The following ABCA12 variants were observed in gnomAD, a reference collection of about 807,000 sequenced individuals.
The protein encoded by ABCA12 is glucosylceramide transporter ABCA12.
Under a neutral mutation model 293.5 loss-of-function variants are expected in ABCA12, and 156 were observed. That is an observed-to-expected ratio of 0.53 (90% CI 0.47 to 0.61). The LOEUF is 0.61. ABCA12 is among the 20% of genes least tolerant of loss of function. The pLI is 0.00. For missense variants in ABCA12, 2,797 were observed against 3,090.2 expected, an observed-to-expected ratio of 0.91 and a Z score of 2.25; for synonymous variants, 1,063 against 1,108.0, an observed-to-expected ratio of 0.96 and a Z score of 0.81.
In ABCA12 at chr2:214,932,420, A is replaced by G. The variant is rs1021171196; in HGVS notation, c.*214T>C. The stretch of plus-strand genomic sequence containing the variant: ...CATTAGCATGCTCACAGTGTTGAGT[A>G]TACAGGAATTCATTTCAGTAGCAAC... On this transcript the variant is annotated 3_prime_UTR_variant, in exon 53 of 53. Transcript: ENST00000272895. 2 of 567,722 alleles carry G rather than the reference A, an allele frequency of 3.5e-6. No homozygotes were observed. The highest frequency in any genetic ancestry group is 6.3e-6 in the Non-Finnish European group (2 of 317,112). 35.2% of individuals were successfully genotyped at this position (567,722 alleles called of 1,614,324 possible). A position where few individuals can be genotyped will look rare whatever the true frequency, so the allele number is the denominator to read the frequency against.
At chr2:215,051,674 A>C (rs1701324292) in intron 5 of ABCA12, among the ~76,000 whole-genome samples, 1 of 128,776 alleles carries the variant, frequency 7.8e-6, no homozygotes, top group Non-Finnish European at 1.7e-5. Context: ...GGAGAGAAGA[A>C]AGGTGAGTGG....
intron 28 of ABCA12, among the ~76,000 whole-genome samples, chr2:214,984,723 T>C (rs1329127388): frequency 6.6e-6 from 1 of 152,120 alleles, no homozygotes; most frequent in African/African-American, 2.4e-5. Flanking sequence ...TAAGTCATTT[T>C]TGCACTCTCC....
chr2:215,135,608 A>G (rs1703208794), intron 1 of ABCA12, among the ~76,000 whole-genome samples: 3 of 152,256 alleles, frequency 2.0e-5, no homozygotes, highest in African/African-American at 7.2e-5. Context: ...AGAAATATAA[A>G]TGCTTGCATT....
At chr2:214,949,520 A>C (rs181229978) in intron 45 of ABCA12, among the ~76,000 whole-genome samples, 1 of 152,206 alleles carries the variant, frequency 6.6e-6, no homozygotes, top group African/African-American at 2.4e-5. Context: ...CACATTATTC[A>C]CACAAAATCA....
In ABCA12 at chr2:215,001,742, A is replaced by G. The variant is rs1700150502; in HGVS notation, c.2684-5T>C. The G allele has an allele frequency of 6.2e-7, 1 of 1,612,718 alleles. No individual in the cohort carries two copies. The highest frequency in any genetic ancestry group is 1.3e-5 in the African/African-American group (1 of 75,006). ...CTAATTTCAGTCTTAGAATATCTAAAGAGGCAAAGCAAAAGAGACAAAAAA... is the reference window on the plus strand; with the variant it reads ...CTAATTTCAGTCTTAGAATATCTAAGGAGGCAAAGCAAAAGAGACAAAAAA... On this transcript the variant is annotated splice_polypyrimidine_tract_variant and splice_region_variant and intron_variant, in intron 20 of 52. Coordinates refer to ENST00000272895, the MANE Select transcript of ABCA12 (RefSeq NM_173076.3).
intron 1 of ABCA12, among the ~76,000 whole-genome samples, chr2:215,134,427 T>C (rs1224643147): frequency 5.0e-5 from 7 of 140,884 alleles, no homozygotes; most frequent in Admixed American, 7.0e-5. Context: ...TACATATATG[T>C]ATATGTGTAT....
intron 11 of ABCA12, among the ~76,000 whole-genome samples, chr2:215,020,261 T>C (rs2106014485): frequency 6.7e-6 from 1 of 148,600 alleles, no homozygotes; most frequent in Admixed American, 6.7e-5. Flanking sequence ...GGAGAAATTA[T>C]AACCCTTGTG....
chr2:214,950,399 T>G (rs1698724655), intron 45 of ABCA12, among the ~76,000 whole-genome samples: 1 of 138,538 alleles, frequency 7.2e-6, no homozygotes, highest in South Asian at 2.1e-4. Context: ...TGTGTGTGTG[T>G]GTGTGTGTGT....
intron 1 of ABCA12, among the ~76,000 whole-genome samples, chr2:215,133,541 A>G (rs1286775513): frequency 1.3e-5 from 2 of 152,108 alleles, no homozygotes; most frequent in East Asian, 3.9e-4. Context: ...GTCATTAACT[A>G]GCATCTCATT....
At chr2:214,976,483 T>C (rs1239436746) in intron 33 of ABCA12, among the ~76,000 whole-genome samples, 1 of 152,180 alleles carries the variant, frequency 6.6e-6, no homozygotes. Flanking sequence ...CAACCTAATC[T>C]AACAATTTGT....
intron 2 of ABCA12, among the ~76,000 whole-genome samples, chr2:215,094,468 C>G (rs562077721): frequency 1.0e-3 from 153 of 152,320 alleles, no homozygotes; most frequent in African/African-American, 3.5e-3. Flanking sequence ...CCTTCCCACT[C>G]AAGGCAAATG....
chr2:215,067,954 T>C (rs137954057), intron 2 of ABCA12, among the ~76,000 whole-genome samples: 1 of 152,326 alleles, frequency 6.6e-6, no homozygotes, highest in East Asian at 1.9e-4. Context: ...TAAGAATTTT[T>C]TAAATGTATG....
At chr2:215,034,299 C>A (rs955480517) in intron 8 of ABCA12, among the ~76,000 whole-genome samples, 12 of 152,142 alleles carry the variant, frequency 7.9e-5, no homozygotes, top group African/African-American at 2.9e-4. Flanking sequence ...TTATTAGCAG[C>A]TCTCTATTTT....
chr2:215,059,921 T>A (rs1232312874), intron 3 of ABCA12, among the ~76,000 whole-genome samples: 1 of 152,048 alleles, frequency 6.6e-6, no homozygotes, highest in East Asian at 1.9e-4. Context: ...TCTTTCTCCA[T>A]GACCTATCTC....
At chr2:215,018,941 T>C (rs186695090) in intron 13 of ABCA12, among the ~76,000 whole-genome samples, 183 of 152,332 alleles carry the variant, frequency 1.2e-3, no homozygotes, top group African/African-American at 4.2e-3. Context: ...AATAGAAAGT[T>C]CTGAATTGAG....
rs747728722 is a variant in ABCA12, at chr2:214,987,733, C to T, written c.3890G>A (p.Arg1297Gln). 27 of 1,614,002 alleles carry T rather than the reference C, an allele frequency of 1.7e-5. No individual in the cohort carries two copies. In the East Asian group the frequency reaches 3.3e-4, roughly 20 times the overall value. Residue 1297 changes from arginine (R) to glutamine (Q), a missense_variant, in exon 27 of 53, where the codon CGA becomes CAA. By Grantham distance (43) the Arg-to-Gln change is conservative. Around this residue, in one of 3 missense-constraint regions of ABCA12, gnomAD observed 2,130 missense variants for 2,427.0 expected, o/e 0.88. Coordinates refer to ENST00000272895, the MANE Select transcript of ABCA12 (RefSeq NM_173076.3). ...AGGCTTCACCTCTGCACACCCAAAT[C>T]GCTCCTTCCAATAGGAAGGAAGAAT... Reference protein sequence around the residue: ...FPILPSYWKERFGCAEVKPEK... With the variant: ...FPILPSYWKEQFGCAEVKPEK...
In ABCA12 at chr2:215,011,480, T is replaced by G. The variant is rs150763300; in HGVS notation, c.2291A>C (p.Lys764Thr). 2 of 1,613,880 alleles carry G rather than the reference T, an allele frequency of 1.2e-6. No homozygotes were observed. The highest frequency in any genetic ancestry group is 2.7e-5 in the African/African-American group (2 of 74,928). Residue 764 changes from lysine to threonine, a missense_variant, in exon 17 of 53, where the codon AAA becomes ACA. This residue lies in a region of ABCA12 where 2,130 missense variants were observed against 2,427.0 expected (regional missense o/e 0.88). Transcript: ENST00000272895. The stretch of plus-strand genomic sequence containing the variant: ...TCCATATTTTGAAGCAATTTGCTCT[T>G]TAGTTAATTTATAAGTCAAAAAATC... ...TKDFLTYKLTKEQIASKYGIP... is the reference protein window; with the variant it reads ...TKDFLTYKLTTEQIASKYGIP...
intron 2 of ABCA12, among the ~76,000 whole-genome samples, chr2:215,068,349 C>A (rs1355417199): frequency 1.3e-5 from 2 of 152,290 alleles, no homozygotes; most frequent in East Asian, 3.9e-4. Context: ...GTGGGCCATA[C>A]TGTCTCCATT....
intron 7 of ABCA12, among the ~76,000 whole-genome samples, chr2:215,043,964 A>G (rs1295465637): frequency 1.3e-5 from 2 of 152,120 alleles, no homozygotes; most frequent in South Asian, 2.1e-4. Context: ...CCAGCATAAT[A>G]TTAATGAGAC....
Sources: allele counts gnomAD v4.1 joint callset (sites outside exome capture counted in the v4.1 genomes callset), GRCh38; gene constraint gnomAD v4.1.1; regional missense constraint gnomAD v4.1.1; transcripts MANE v1.5; gene names NCBI Gene and HGNC (gene_info 2026-07-23, HGNC 2026-07-21).